UVRAG: variants seen among roughly 807,000 people sequenced by gnomAD.
UVRAG encodes the protein UV radiation resistance associated, also known as UV radiation resistance-associated gene protein.
In UVRAG, 19 loss-of-function variants were observed where a neutral mutation model predicts 78.0. That is an observed-to-expected ratio of 0.24 (90% CI 0.17 to 0.36). The LOEUF (loss-of-function observed/expected upper bound fraction) is 0.36, where lower values mean the gene tolerates loss of function less well. Ranked by LOEUF, UVRAG falls within the 10% of genes least tolerant of loss-of-function variation. UVRAG has a pLI of 1.00. For synonymous variants in UVRAG, 323 were observed against 324.6 expected, an observed-to-expected ratio of 1.00 and a Z score of 0.05; for missense variants, 740 against 853.8, an observed-to-expected ratio of 0.87 and a Z score of 1.66.
At chr11:76,008,757 A>T (rs1949997004) in intron 10 of UVRAG, 50 bp from the exon 11 acceptor site, 3 of 1,050,456 alleles carry the variant, frequency 2.9e-6, no homozygotes, top group Non-Finnish European at 4.2e-6. Context: ...GATTTAACTT[A>T]GAGTTTCTTT....
intron 12 of UVRAG, among the ~76,000 whole-genome samples, chr11:76,037,302 C>G (rs1950551856): frequency 6.6e-6 from 1 of 152,020 alleles, no homozygotes. Flanking sequence ...ACATAACTCA[C>G]CCATTAACAG....
intron 14 of UVRAG, among the ~76,000 whole-genome samples, chr11:76,140,372 T>G (rs1952693332): frequency 6.6e-6 from 1 of 151,912 alleles, no homozygotes; most frequent in Non-Finnish European, 1.5e-5. Context: ...TGAAGTTAGT[T>G]ATATCCTTCA....
chr11:75,883,113 T>C (rs1428225381), intron 4 of UVRAG, among the ~76,000 whole-genome samples: 1 of 152,190 alleles, frequency 6.6e-6, no homozygotes, highest in African/African-American at 2.4e-5. Context: ...ATTAAGTACT[T>C]GTTTCTCTTC....
rs1263025390 is a variant in UVRAG at position 75,858,145 on chromosome 11, T to TA, written c.236-3592dup. Among the ~76,000 whole-genome samples the TA allele has an allele frequency of 2.8e-3, 406 of 146,448 alleles. 5 individuals carry two copies. Among genetic ancestry groups the TA allele is most frequent in the African/African-American group, 0.01 (384 of 36,988 alleles). ...CTTTTTAATTTAATTTTTTAATAGG[T>TA]AAAAAAAAATATATATGTGTATATA... On this transcript the variant is annotated intron_variant, in intron 2 of 14. Transcript: ENST00000356136.
chr11:75,996,145 G>A (rs1949702240), intron 8 of UVRAG, among the ~76,000 whole-genome samples: 1 of 152,026 alleles, frequency 6.6e-6, no homozygotes, highest in South Asian at 2.1e-4. Context: ...TCCCATGGGA[G>A]GTATAGATGT....
intron 6 of UVRAG, among the ~76,000 whole-genome samples, chr11:75,937,059 A>G (rs1227291349): frequency 1.3e-5 from 2 of 152,198 alleles, no homozygotes; most frequent in Non-Finnish European, 2.9e-5. Context: ...TAACTTTTAA[A>G]GCAATTTAAA....
At chr11:75,847,539 T>C (rs2134724430) in intron 1 of UVRAG, among the ~76,000 whole-genome samples, 1 of 152,274 alleles carries the variant, frequency 6.6e-6, no homozygotes, top group African/African-American at 2.4e-5. Flanking sequence ...CCCAAAGTGC[T>C]GGGATTACAG....
At chr11:75,859,003 G>A (rs774681139) in intron 2 of UVRAG, among the ~76,000 whole-genome samples, 4 of 152,112 alleles carry the variant, frequency 2.6e-5, no homozygotes, top group Non-Finnish European at 2.9e-5. Flanking sequence ...GTTTCTTTCC[G>A]TCTTAGCATG....
Position 75,981,271 on chromosome 11 carries a change from C to G in UVRAG, c.700-2116C>G, listed in dbSNP as rs112714077. ...GGATTACAGGTGCCCACTACCGTGC[C>G]CGGCTAATTTTTATATTTTTAGTAG... On this transcript the variant is annotated intron_variant, in intron 7 of 14. Coordinates refer to ENST00000356136, the MANE Select transcript of UVRAG (RefSeq NM_003369.4). 2.6e-3 allele frequency among the ~76,000 whole-genome samples: 402 copies of G among 152,022 alleles called. 1 individual carries two copies. The highest frequency in any genetic ancestry group is 9.3e-3 in the African/African-American group (387 of 41,456).
chr11:75,955,866 T>A (rs1219074862), intron 6 of UVRAG, among the ~76,000 whole-genome samples: 1 of 152,152 alleles, frequency 6.6e-6, no homozygotes. Flanking sequence ...CCAACCTAGG[T>A]GACAAAGTGA....
chr11:75,950,347 G>A (rs946667193), intron 6 of UVRAG, among the ~76,000 whole-genome samples: 2 of 152,170 alleles, frequency 1.3e-5, no homozygotes, highest in Admixed American at 6.6e-5. Context: ...GTAACCTCAA[G>A]CTCCTGAACT....
chr11:75,854,027 C>T (rs1946226966), intron 2 of UVRAG, among the ~76,000 whole-genome samples: 1 of 151,666 alleles, frequency 6.6e-6, no homozygotes, highest in Admixed American at 6.6e-5. Context: ...ACACCTGCCT[C>T]AGCCTCCCAA....
intron 1 of UVRAG, among the ~76,000 whole-genome samples, chr11:75,839,825 G>GTA (rs35667790): frequency 0.39 from 57,970 of 148,940 alleles, 13,444 homozygotes; most frequent in Non-Finnish European, 0.53. Flanking sequence ...GTGTGTGTGT[G>GTA]TATATATATA....
intron 1 of UVRAG, among the ~76,000 whole-genome samples, chr11:75,835,624 TTAAATA>T (rs1364916645): frequency 5.9e-5 from 9 of 152,108 alleles, no homozygotes; most frequent in Admixed American, 3.9e-4. Context: ...TAATATATAT[TTAAATA>T]TAAAGTATTA....
chr11:76,121,349 C>G (rs1348190324), intron 14 of UVRAG, among the ~76,000 whole-genome samples: 2 of 152,290 alleles, frequency 1.3e-5, no homozygotes, highest in African/African-American at 4.8e-5. Context: ...CCAAGCAACA[C>G]AATTTTGAAA....
At chr11:75,958,401 A>G (rs1355473330) in intron 6 of UVRAG, among the ~76,000 whole-genome samples, 3 of 152,134 alleles carry the variant, frequency 2.0e-5, no homozygotes, top group Non-Finnish European at 4.4e-5. Context: ...TGTCATTTCA[A>G]CAGTGTTTAT....
At chr11:75,825,038 C>T (rs555547587) in intron 1 of UVRAG, among the ~76,000 whole-genome samples, 2 of 151,870 alleles carry the variant, frequency 1.3e-5, no homozygotes, top group South Asian at 4.2e-4. Context: ...TAGAAAAAGA[C>T]ATCTGTCTTA....
intron 12 of UVRAG, among the ~76,000 whole-genome samples, chr11:76,044,569 T>A (rs973577964): frequency 3.9e-5 from 6 of 152,084 alleles, no homozygotes; most frequent in African/African-American, 1.4e-4. Context: ...CTCAGGAGTT[T>A]GAAACCAGCT....
chr11:76,019,927 T>A (rs1394808370), intron 12 of UVRAG, among the ~76,000 whole-genome samples: 1 of 152,018 alleles, frequency 6.6e-6, no homozygotes, highest in African/African-American at 2.4e-5. Flanking sequence ...GCAGCAAGTT[T>A]CCCCCGGCCC....
Sources: allele counts gnomAD v4.1 joint callset (sites outside exome capture counted in the v4.1 genomes callset), GRCh38; gene constraint gnomAD v4.1.1; transcripts MANE v1.5; gene names NCBI Gene and HGNC (gene_info 2026-07-23, HGNC 2026-07-21).